HERC3: variants seen among roughly 807,000 people sequenced by gnomAD.
HERC3 encodes HECT and RLD domain containing E3 ubiquitin protein ligase 3, also known as probable E3 ubiquitin-protein ligase HERC3.
A neutral mutation model predicts 129.9 loss-of-function variants in HERC3; 58 were observed. The ratio of observed to expected loss-of-function variants is 0.45; its 90% CI spans 0.36 to 0.56. The LOEUF is 0.56. Among genes scored for constraint, HERC3 ranks in the 20% least tolerant of loss-of-function variants. The probability of loss-of-function intolerance (pLI) is 0.00; values close to 1 mark genes in which losing one functional copy is unlikely to be tolerated. For synonymous variants in HERC3, 430 were observed against 451.0 expected, an observed-to-expected ratio of 0.95 and a Z score of 0.59; for missense variants, 835 against 1,244.2, an observed-to-expected ratio of 0.67 and a Z score of 4.95.
intron 10 of HERC3, 143 bp from the exon 11 acceptor site, chr4:88,662,288 A>G: frequency 1.4e-6 from 1 of 736,824 alleles, no homozygotes; most frequent in South Asian, 2.0e-5. Flanking sequence ...CTCCATTCTG[A>G]AGGGTGGAGG....
At chr4:88,691,136 C>T (rs1180478774) in intron 23 of HERC3, among the ~76,000 whole-genome samples, 1 of 152,180 alleles carries the variant, frequency 6.6e-6, no homozygotes, top group African/African-American at 2.4e-5. Context: ...ATGGAAAAAT[C>T]TGAGTTGTCG....
intron 5 of HERC3, among the ~76,000 whole-genome samples, chr4:88,652,597 C>T (rs962217381): frequency 3.3e-5 from 5 of 152,264 alleles, no homozygotes; most frequent in Middle Eastern, 6.8e-3. Context: ...GGTAATTGGC[C>T]TGTCCGAAAT....
intron 3 of HERC3, among the ~76,000 whole-genome samples, chr4:88,617,884 G>GAA (rs35899455): frequency 7.4e-5 from 11 of 148,324 alleles, no homozygotes; most frequent in South Asian, 6.4e-4. Flanking sequence ...GAAAAAAAAA[G>GAA]AAAAAAAAAA....
At chr4:88,548,873 G>A in the HERC3 span, among the ~76,000 whole-genome samples, 1 of 152,082 alleles carries the variant, frequency 6.6e-6, no homozygotes, top group Non-Finnish European at 1.5e-5. Flanking sequence ...ATGTTAGCCA[G>A]GATGATCTTG....
chr4:88,546,496 C>T, the HERC3 span, among the ~76,000 whole-genome samples: 1 of 151,674 alleles, frequency 6.6e-6, no homozygotes, highest in African/African-American at 2.4e-5. Context: ...TCCCTCCCTC[C>T]CTTCCTCCCT....
At chr4:88,648,225 A>G (rs1450293871) in intron 3 of HERC3, among the ~76,000 whole-genome samples, 2 of 152,038 alleles carry the variant, frequency 1.3e-5, no homozygotes, top group Non-Finnish European at 2.9e-5. Flanking sequence ...CACCTTGGAG[A>G]CATCCCTCCA....
chr4:88,622,658 T>C (rs1012583475), intron 3 of HERC3, among the ~76,000 whole-genome samples: 2 of 151,696 alleles, frequency 1.3e-5, no homozygotes, highest in African/African-American at 4.8e-5. Flanking sequence ...TGGCCGGGTG[T>C]GGTGGCTCAC....
the HERC3 span, among the ~76,000 whole-genome samples, chr4:88,558,830 T>C: frequency 1.3e-5 from 2 of 150,626 alleles, no homozygotes; most frequent in Non-Finnish European, 3.0e-5. Context: ...TAGCCAGGCA[T>C]GATGGTGGGC....
chr4:88,595,897 G>C (rs947581168), intron 2 of HERC3, among the ~76,000 whole-genome samples: 4 of 141,594 alleles, frequency 2.8e-5, no homozygotes, highest in Non-Finnish European at 6.0e-5. Context: ...CGCCCACGCT[G>C]GAGTGCAGTG....
chr4:88,648,006 A>T (rs1032606104), intron 3 of HERC3, among the ~76,000 whole-genome samples: 4 of 152,162 alleles, frequency 2.6e-5, no homozygotes, highest in Middle Eastern at 3.2e-3. Context: ...TAATCTTTTA[A>T]ATAAAATTTG....
chr4:88,697,099 G>T, intron 23 of HERC3: 1 of 1,047,040 alleles, frequency 9.6e-7, no homozygotes, highest in Non-Finnish European at 1.4e-6. Context: ...AATTCACATT[G>T]TATTTTGGTC....
chr4:88,655,422 A>ATG lies in HERC3; in HGVS notation c.908+119_908+120dup, dbSNP rs1406465531. ...CGTCATTTTAAGAGATCTTAACTGC[A>ATG]TGCACGCCTATGGTGAAATGTGGAG... On this transcript the variant is annotated intron_variant, in intron 8 of 25. Coordinates refer to ENST00000402738, the MANE Select transcript of HERC3 (RefSeq NM_014606.3). 6 of 1,140,270 alleles carry ATG rather than the reference A, an allele frequency of 5.3e-6. No individual in the cohort carries two copies. The Admixed American group carries it at 1.2e-4, about 23-fold the overall frequency. 70.6% of individuals were successfully genotyped at this position (1,140,270 alleles called of 1,614,324 possible).
chr4:88,622,070 A>G (rs1725579094), intron 3 of HERC3, among the ~76,000 whole-genome samples: 1 of 152,246 alleles, frequency 6.6e-6, no homozygotes, highest in Non-Finnish European at 1.5e-5. Flanking sequence ...GAGTTGTATA[A>G]TCATCACCAC....
the HERC3 span, among the ~76,000 whole-genome samples, chr4:88,532,409 G>A: frequency 1.3e-5 from 2 of 152,166 alleles, no homozygotes; most frequent in Admixed American, 6.5e-5. Context: ...CAGTATCTGA[G>A]GGCAGGGGAG....
chr4:88,702,063 G>A (rs1735369004), intron 23 of HERC3, among the ~76,000 whole-genome samples: 1 of 151,884 alleles, frequency 6.6e-6, no homozygotes, highest in African/African-American at 2.4e-5. Context: ...CAAAGTGCTG[G>A]GATTATAGGC....
chr4:88,543,236 A>G, the HERC3 span, among the ~76,000 whole-genome samples: 2 of 152,266 alleles, frequency 1.3e-5, no homozygotes, highest in African/African-American at 4.8e-5. Flanking sequence ...CAACTTCAGC[A>G]AAGTCTCAAG....
intron 2 of HERC3, among the ~76,000 whole-genome samples, chr4:88,604,973 A>C (rs780477351): frequency 6.6e-6 from 1 of 152,236 alleles, no homozygotes; most frequent in Admixed American, 6.5e-5. Context: ...AAAGGGAAAC[A>C]TGAATTGTTA....
rs540365839 is a variant in HERC3, at chr4:88,697,311, C to G, written c.2658-6787C>G. 3 of 1,611,792 alleles carry G rather than the reference C, an allele frequency of 1.9e-6. No homozygotes were observed. In the African/African-American group the frequency reaches 4.0e-5, roughly 22 times the overall value. On this transcript the variant is annotated intron_variant, in intron 23 of 25. Transcript: ENST00000402738. ...CCTCCTCCTCGTCTTCCCCCTCCTC[C>G]TCGTCATCCTCGTACTCCTCTTCCT...
intron 3 of HERC3, among the ~76,000 whole-genome samples, chr4:88,621,050 G>A (rs541077253): frequency 6.6e-6 from 1 of 152,216 alleles, no homozygotes; most frequent in Admixed American, 6.5e-5. Context: ...GAGAATAAGG[G>A]CATTGTTTTG....
Sources: allele counts gnomAD v4.1 joint callset (sites outside exome capture counted in the v4.1 genomes callset), GRCh38; gene constraint gnomAD v4.1.1; transcripts MANE v1.5; gene names NCBI Gene and HGNC (gene_info 2026-07-23, HGNC 2026-07-21).